Variants in WDFY2 observed in about 807,000 individuals in gnomAD.
WDFY2 encodes WD repeat and FYVE domain containing 2.
WDFY2 carries 36 observed loss-of-function variants against 56.4 expected under a neutral mutation model. That is an observed-to-expected ratio of 0.64 (90% CI 0.49 to 0.84). The LOEUF is 0.84. Ranked by LOEUF, WDFY2 falls within the 40% of genes least tolerant of loss-of-function variation. WDFY2 has a pLI of 0.00. For synonymous variants in WDFY2, 176 were observed against 183.7 expected, an observed-to-expected ratio of 0.96 and a Z score of 0.34; for missense variants, 444 against 512.2, an observed-to-expected ratio of 0.87 and a Z score of 1.29.
At chr13:51,685,251 A>G (rs544635012) in intron 3 of WDFY2, among the ~76,000 whole-genome samples, 1 of 152,260 alleles carries the variant, frequency 6.6e-6, no homozygotes, top group South Asian at 2.1e-4. Flanking sequence ...TCAAATTTCT[A>G]CTTTAGTATT....
intron 4 of WDFY2, among the ~76,000 whole-genome samples, chr13:51,714,005 G>C (rs1952287038): frequency 1.3e-5 from 2 of 152,014 alleles, no homozygotes; most frequent in African/African-American, 4.8e-5. Flanking sequence ...TTTCAGTTTG[G>C]GAAGGTGAGA....
intron 1 of WDFY2, among the ~76,000 whole-genome samples, chr13:51,624,978 T>A (rs570944601): frequency 6.6e-6 from 1 of 152,358 alleles, no homozygotes; most frequent in African/African-American, 2.4e-5. Context: ...AGATTTAGTC[T>A]TTTGCTCTAG....
rs747066163 is a variant in WDFY2 at position 51,756,394 on chromosome 13, C to T, written c.996C>T (p.Ile332=). The change falls in exon 10 of 12, where the codon ATC becomes ATT. Residue 332 remains isoleucine (I), a synonymous_variant. Coordinates refer to ENST00000298125, the MANE Select transcript of WDFY2 (RefSeq NM_052950.4). The stretch of plus-strand genomic sequence containing the variant: ...AGTGCAGCTCCAAGCGCTCCTCCAT[C>T]CCCCTGATGGGCTTCGAGTTTGAAG... ...CGKCSSKRSS[I]PLMGFEFEVR... is the part of the protein sequence containing the mutation. The T allele has an allele frequency of 2.6e-4, 420 of 1,613,964 alleles. 1 individual carries two copies. The highest frequency in any genetic ancestry group is 3.4e-4 in the Non-Finnish European group (406 of 1,179,992).
intron 5 of WDFY2, among the ~76,000 whole-genome samples, chr13:51,726,943 T>C (rs1008220965): frequency 1.3e-5 from 2 of 152,210 alleles, no homozygotes; most frequent in African/African-American, 4.8e-5. Flanking sequence ...GCTCATAATA[T>C]TTGTTGTGTT....
chr13:51,740,885 T>C (rs1373340717), intron 7 of WDFY2, among the ~76,000 whole-genome samples: 1 of 152,186 alleles, frequency 6.6e-6, no homozygotes, highest in East Asian at 1.9e-4. Flanking sequence ...CTAGTTTTAT[T>C]TGTACGCAGT....
chr13:51,701,762 G>A (rs570180918), intron 3 of WDFY2, among the ~76,000 whole-genome samples: 1 of 152,202 alleles, frequency 6.6e-6, no homozygotes, highest in African/African-American at 2.4e-5. Context: ...GACCAGGTCA[G>A]AGAACCATTT....
intron 1 of WDFY2, among the ~76,000 whole-genome samples, chr13:51,628,485 G>A (rs1346315064): frequency 6.6e-6 from 1 of 152,208 alleles, no homozygotes; most frequent in African/African-American, 2.4e-5. Context: ...CGTGTCTGGA[G>A]CTTCAGCTGG....
At chr13:51,638,286 C>T (rs1955090029) in intron 1 of WDFY2, among the ~76,000 whole-genome samples, 1 of 152,102 alleles carries the variant, frequency 6.6e-6, no homozygotes, top group African/African-American at 2.4e-5. Flanking sequence ...AGGAGACCAG[C>T]TAGTATGCTC....
Position 51,627,489 on chromosome 13 carries a change from C to T in WDFY2, c.138-33107C>T, listed in dbSNP as rs575356666. On this transcript the variant is annotated intron_variant, in intron 1 of 11. Transcript: ENST00000298125. ...GTTCAAGTGATTCTTCTGCCTTAGC[C>T]TCCCAAGTAGCTGGGATTATGGACA... 2.6e-5 allele frequency among the ~76,000 whole-genome samples: 4 copies of T among 152,218 alleles called. No homozygotes were observed. The South Asian group carries it at 8.3e-4, about 32-fold the overall frequency.
At chr13:51,615,853 A>G (rs1230384259) in intron 1 of WDFY2, among the ~76,000 whole-genome samples, 1 of 152,148 alleles carries the variant, frequency 6.6e-6, no homozygotes, top group East Asian at 1.9e-4. Context: ...AGGGGTTTGA[A>G]TTTTTTGCTA....
chr13:51,654,561 C>G (rs1472931797), intron 1 of WDFY2, among the ~76,000 whole-genome samples: 1 of 152,086 alleles, frequency 6.6e-6, no homozygotes. Context: ...GACTTTTTTT[C>G]CCCCAATACC....
At chr13:51,661,466 G>A (rs558016898) in intron 2 of WDFY2, among the ~76,000 whole-genome samples, 3 of 152,058 alleles carry the variant, frequency 2.0e-5, no homozygotes, top group East Asian at 3.9e-4. Context: ...AATCCCCCAG[G>A]TTTGTTGTTT....
At chr13:51,754,024 C>T (rs758154416) in intron 8 of WDFY2, among the ~76,000 whole-genome samples, 2 of 146,166 alleles carry the variant, frequency 1.4e-5, no homozygotes, top group Admixed American at 7.1e-5. Context: ...ACCTAGGAGG[C>T]GGAGGTTGCA....
At chr13:51,719,079 G>A (rs781511695) in intron 4 of WDFY2, 119 bp from the exon 5 acceptor site, 60 of 1,393,724 alleles carry the variant, frequency 4.3e-5, no homozygotes, top group Non-Finnish European at 5.6e-5. Flanking sequence ...CCTTAAAATG[G>A]TTCTGCTGTT....
chr13:51,651,588 T>A (rs1955386913), intron 1 of WDFY2, among the ~76,000 whole-genome samples: 1 of 152,220 alleles, frequency 6.6e-6, no homozygotes, highest in Non-Finnish European at 1.5e-5. Flanking sequence ...CTGCTTTGAA[T>A]GTGTCCCAGA....
intron 3 of WDFY2, among the ~76,000 whole-genome samples, chr13:51,682,192 A>G (rs1955989237): frequency 6.6e-6 from 1 of 152,342 alleles, no homozygotes; most frequent in African/African-American, 2.4e-5. Flanking sequence ...TGCACTATCT[A>G]CAGGAGTTAC....
At chr13:51,704,871 A>C (rs1952051983) in intron 4 of WDFY2, among the ~76,000 whole-genome samples, 1 of 152,234 alleles carries the variant, frequency 6.6e-6, no homozygotes, top group Non-Finnish European at 1.5e-5. Context: ...GACCATTTGA[A>C]AATATGATAC....
intron 3 of WDFY2, among the ~76,000 whole-genome samples, chr13:51,692,997 A>G (rs960760270): frequency 6.6e-6 from 1 of 152,160 alleles, no homozygotes; most frequent in African/African-American, 2.4e-5. Context: ...TGTTTGTAGT[A>G]TTCTCTGATG....
At position 51,747,226 on chromosome 13, in the gene WDFY2, G is replaced by T. The variant is rs185948206; in HGVS notation, c.726-4084G>T. On this transcript the variant is annotated intron_variant, in intron 7 of 11. Transcript: ENST00000298125. ...GTAACGTAAGGGTTAATTTGTAATT[G>T]TGACCAATGATATCAGAATGAGGGA... Among the ~76,000 whole-genome samples, 73 of 152,332 alleles carry T rather than the reference G, an allele frequency of 4.8e-4. No individual in the cohort carries two copies. The East Asian group carries it at 0.013, about 28-fold the overall frequency.
Sources: allele counts gnomAD v4.1 joint callset (sites outside exome capture counted in the v4.1 genomes callset), GRCh38; gene constraint gnomAD v4.1.1; transcripts MANE v1.5; gene names NCBI Gene and HGNC (gene_info 2026-07-23, HGNC 2026-07-21).